CDH18: variants seen among roughly 807,000 people sequenced by gnomAD.
CDH18 encodes cadherin 18, also known as cadherin-18.
A neutral mutation model predicts 67.9 loss-of-function variants in CDH18; 31 were observed. The observed-to-expected ratio is 0.46, with a 90% CI of 0.34 to 0.62. The LOEUF (loss-of-function observed/expected upper bound fraction) is 0.62, where lower values mean the gene tolerates loss of function less well. Among genes scored for constraint, CDH18 ranks in the 20% least tolerant of loss-of-function variants. The pLI is 0.01. For missense variants in CDH18, 890 were observed against 975.5 expected (o/e 0.91, Z 1.17); for synonymous variants, 362 against 347.2 (o/e 1.04, Z -0.48).
intron 1 of CDH18, among the ~76,000 whole-genome samples, chr5:20,542,205 A>G (rs2126592334): frequency 6.6e-6 from 1 of 152,310 alleles, no homozygotes; most frequent in South Asian, 2.1e-4. Context: ...GTGCTAAAGA[A>G]TTTAGCAAAT....
At chr5:19,663,683 G>C (rs547433815) in intron 5 of CDH18, among the ~76,000 whole-genome samples, 1 of 151,862 alleles carries the variant, frequency 6.6e-6, no homozygotes, top group African/African-American at 2.4e-5. Context: ...ACTATTTTAG[G>C]CACTGAAAAT....
At chr5:20,057,213 G>A (rs1742068908) in intron 2 of CDH18, among the ~76,000 whole-genome samples, 1 of 151,938 alleles carries the variant, frequency 6.6e-6, no homozygotes, top group African/African-American at 2.4e-5. Flanking sequence ...TCATAACTAT[G>A]AATACATCAT....
rs573367358 is a variant in CDH18 at position 19,976,027 on chromosome 5, T to C, written c.-257+5033A>G. Among the ~76,000 whole-genome samples, 20 of 152,328 alleles carry C rather than the reference T, an allele frequency of 1.3e-4. No individual in the cohort carries two copies. The South Asian group carries it at 4.1e-3, about 32-fold the overall frequency. ...AGTCACACAAGAACTGCCTCTGAAG[T>C]TGGCGAGAGCACCTCATCTGAAACG... On this transcript the variant is annotated intron_variant, in intron 2 of 12. Transcript: ENST00000382275.
At chr5:20,372,849 C>T (rs1447178954) in intron 1 of CDH18, among the ~76,000 whole-genome samples, 4 of 150,306 alleles carry the variant, frequency 2.7e-5, no homozygotes, top group African/African-American at 4.9e-5. Context: ...ATTTTTTTTT[C>T]CCTTGGATAT....
rs552492474 is a variant in CDH18 at position 20,336,579 on chromosome 5, C to T, written c.-579-81074G>A. ...ATACTAAAAATACAAAAAAATTAGC[C>T]GGCCGTGGTGGCCAGCGCCTGTAGT... On this transcript the variant is annotated intron_variant, in intron 1 of 14. Coordinates refer to the CDH18 transcript ENST00000507958. 1.4e-3 allele frequency among the ~76,000 whole-genome samples: 209 copies of T among 151,644 alleles called. 1 individual carries two copies. The highest frequency in any genetic ancestry group is 6.8e-3 in the Middle Eastern group (2 of 294).
At chr5:19,939,324 G>A (rs1794600392) in intron 2 of CDH18, among the ~76,000 whole-genome samples, 1 of 151,520 alleles carries the variant, frequency 6.6e-6, no homozygotes, top group Non-Finnish European at 1.5e-5. Context: ...AATTTTAAAT[G>A]TGATTCTTGT....
At chr5:20,354,592 T>G (rs1400853294) in intron 1 of CDH18, among the ~76,000 whole-genome samples, 2 of 152,106 alleles carry the variant, frequency 1.3e-5, no homozygotes, top group African/African-American at 2.4e-5. Context: ...AGGGTCTTGC[T>G]ATGTTGCCCA....
intron 3 of CDH18, among the ~76,000 whole-genome samples, chr5:19,815,501 A>C (rs1414640414): frequency 6.6e-6 from 1 of 151,890 alleles, no homozygotes; most frequent in Non-Finnish European, 1.5e-5. Context: ...TACATGATTT[A>C]TTCTCTCTTT....
intron 2 of CDH18, among the ~76,000 whole-genome samples, chr5:20,138,216 C>A (rs796207826): frequency 2.0e-5 from 3 of 152,010 alleles, no homozygotes; most frequent in Non-Finnish European, 4.4e-5. Flanking sequence ...AAAAAAACCA[C>A]GTGATTGTCT....
At chr5:19,699,954 A>T (rs1763021787) in intron 5 of CDH18, among the ~76,000 whole-genome samples, 1 of 152,176 alleles carries the variant, frequency 6.6e-6, no homozygotes, top group Non-Finnish European at 1.5e-5. Context: ...TACCTATGTA[A>T]CAAAAGTGTA....
At chr5:20,229,856 A>C (rs1456772079) in intron 2 of CDH18, among the ~76,000 whole-genome samples, 1 of 152,090 alleles carries the variant, frequency 6.6e-6, no homozygotes, top group Non-Finnish European at 1.5e-5. Flanking sequence ...CTGTTTTGAG[A>C]GGAGCATTGT....
At chr5:20,329,210 G>A (rs1738919819) in intron 1 of CDH18, among the ~76,000 whole-genome samples, 1 of 152,098 alleles carries the variant, frequency 6.6e-6, no homozygotes, top group Non-Finnish European at 1.5e-5. Flanking sequence ...GACAGTAAGT[G>A]CAAAGAGTTA....
chr5:20,050,691 C>T (rs545883986), intron 2 of CDH18, among the ~76,000 whole-genome samples: 214 of 151,852 alleles, frequency 1.4e-3, no homozygotes, highest in Non-Finnish European at 2.6e-3. Context: ...AAGGTTAATG[C>T]TTAGCCATAG....
intron 2 of CDH18, among the ~76,000 whole-genome samples, chr5:19,964,968 T>C (rs1797285083): frequency 6.6e-6 from 1 of 152,258 alleles, no homozygotes; most frequent in Admixed American, 6.5e-5. Flanking sequence ...CATTCAATGA[T>C]GTATTATCAG....
At chr5:19,842,174 T>C (rs1782393483) in intron 2 of CDH18, among the ~76,000 whole-genome samples, 1 of 152,226 alleles carries the variant, frequency 6.6e-6, no homozygotes, top group Non-Finnish European at 1.5e-5. Flanking sequence ...CCTTCTGCTT[T>C]CATGGAACAT....
chr5:19,851,480 AT>A (rs1462077699), intron 2 of CDH18, among the ~76,000 whole-genome samples: 1 of 150,944 alleles, frequency 6.6e-6, no homozygotes, highest in Non-Finnish European at 1.5e-5. Flanking sequence ...TACCTTCCAA[AT>A]GAATATGCAT....
chr5:20,290,012 T>C (rs550981720), intron 1 of CDH18, among the ~76,000 whole-genome samples: 3 of 152,080 alleles, frequency 2.0e-5, no homozygotes, highest in Non-Finnish European at 4.4e-5. Context: ...ATGGTAGAAG[T>C]AACATAATCA....
chr5:19,935,468 C>T (rs528810565), intron 2 of CDH18, among the ~76,000 whole-genome samples: 115 of 151,242 alleles, frequency 7.6e-4, no homozygotes, highest in Non-Finnish European at 1.3e-3. Flanking sequence ...CTGGATACAC[C>T]AATACCATTG....
At chr5:19,517,949 A>G (rs748644729) in intron 10 of CDH18, among the ~76,000 whole-genome samples, 1 of 151,778 alleles carries the variant, frequency 6.6e-6, no homozygotes, top group Non-Finnish European at 1.5e-5. Context: ...AGTAATTGAG[A>G]TACTGTATTT....
Sources: gnomAD v4.1 joint callset for allele counts (sites outside exome capture counted in the v4.1 genomes callset) on GRCh38, gnomAD v4.1.1 for gene constraint, MANE v1.5 for transcripts, NCBI Gene and HGNC (gene_info 2026-07-23, HGNC 2026-07-21) for gene names.